Variants in NTRK3 observed in about 807,000 individuals in gnomAD.
The protein encoded by NTRK3 is NT-3 growth factor receptor.
In NTRK3, 24 loss-of-function variants were observed where a neutral mutation model predicts 91.7. That is an observed-to-expected ratio of 0.26 (90% CI 0.19 to 0.37). The LOEUF (loss-of-function observed/expected upper bound fraction) is 0.37, where lower values mean the gene tolerates loss of function less well. Among genes scored for constraint, NTRK3 ranks in the 10% least tolerant of loss-of-function variants. The pLI, the probability that NTRK3 is intolerant of heterozygous loss-of-function variation, is 1.00. For missense variants in NTRK3, 880 were observed against 1,068.9 expected (o/e 0.82, Z 2.46); for synonymous variants, 483 against 404.0 (o/e 1.20, Z -2.34).
intron 13 of NTRK3, among the ~76,000 whole-genome samples, chr15:88,096,038 T>C (rs1009649674): frequency 6.6e-6 from 1 of 152,218 alleles, no homozygotes; most frequent in African/African-American, 2.4e-5. Flanking sequence ...CTATTGTGTG[T>C]AGTATAAATG....
At chr15:88,227,111 C>G (rs1051196202) in intron 3 of NTRK3, among the ~76,000 whole-genome samples, 1 of 152,188 alleles carries the variant, frequency 6.6e-6, no homozygotes, top group Non-Finnish European at 1.5e-5. Context: ...TCCAGGAAAT[C>G]TCAGCTTCAG....
At chr15:88,210,199 G>A (rs2141406777) in intron 3 of NTRK3, 2 of 152,330 alleles carry the variant, frequency 1.3e-5, no homozygotes, top group South Asian at 4.1e-4. Flanking sequence ...CCACACCTAG[G>A]AAGAAATGTT....
intron 13 of NTRK3, among the ~76,000 whole-genome samples, chr15:88,071,972 G>C (rs1000099963): frequency 5.9e-5 from 9 of 151,760 alleles, no homozygotes; most frequent in Admixed American, 2.6e-4. Flanking sequence ...AGGGTTCCAG[G>C]GTTCTCACAG....
intron 13 of NTRK3, among the ~76,000 whole-genome samples, chr15:88,098,264 G>A (rs1340607799): frequency 1.3e-5 from 2 of 152,158 alleles, no homozygotes; most frequent in Non-Finnish European, 2.9e-5. Flanking sequence ...ACGAGCGAGT[G>A]GCCAAGGAAA....
At chr15:87,906,715 G>T (rs1379313538) in intron 17 of NTRK3, among the ~76,000 whole-genome samples, 1 of 152,004 alleles carries the variant, frequency 6.6e-6, no homozygotes, top group Non-Finnish European at 1.5e-5. Context: ...TAAGCAATGC[G>T]ATTGCTTTGA....
chr15:88,176,458 G>A (rs2046008685), intron 5 of NTRK3, among the ~76,000 whole-genome samples: 1 of 152,082 alleles, frequency 6.6e-6, no homozygotes, highest in Non-Finnish European at 1.5e-5. Flanking sequence ...TTTTAAACAG[G>A]GCTGCAATAG....
At chr15:88,118,738 A>G (rs1474323120) in intron 13 of NTRK3, among the ~76,000 whole-genome samples, 11 of 152,262 alleles carry the variant, frequency 7.2e-5, no homozygotes, top group Admixed American at 7.2e-4. Flanking sequence ...CATCCACAGT[A>G]GGGCATAAGG....
chr15:87,993,191 G>T (rs544110228), intron 14 of NTRK3, among the ~76,000 whole-genome samples: 1 of 152,272 alleles, frequency 6.6e-6, no homozygotes, highest in African/African-American at 2.4e-5. Flanking sequence ...TTCCCTTGGA[G>T]TCATGGCCGT....
intron 13 of NTRK3, among the ~76,000 whole-genome samples, chr15:88,055,643 C>T (rs947470326): frequency 6.6e-6 from 1 of 152,084 alleles, no homozygotes; most frequent in African/African-American, 2.4e-5. Context: ...CCCTTTCAAT[C>T]GGTGATGAAA....
chr15:88,101,718 GA>G (rs2050194466), intron 13 of NTRK3, among the ~76,000 whole-genome samples: 1 of 152,164 alleles, frequency 6.6e-6, no homozygotes, highest in Non-Finnish European at 1.5e-5. Context: ...TCCTTTGTAG[GA>G]ACATGGATGA....
chr15:88,210,922 C>T (rs1281176946), intron 3 of NTRK3, among the ~76,000 whole-genome samples: 1 of 152,088 alleles, frequency 6.6e-6, no homozygotes, highest in Non-Finnish European at 1.5e-5. Context: ...TGACCCAGAG[C>T]AGTGAGATGT....
chr15:88,128,713 A>C (rs764443444), exon 11 of NTRK3: 2 of 1,614,116 alleles, frequency 1.2e-6, no homozygotes, highest in South Asian at 2.2e-5. Flanking sequence ...AGACTTACAC[A>C]AGATAAAGTT....
intron 14 of NTRK3, among the ~76,000 whole-genome samples, chr15:87,952,680 G>A (rs1444744758): frequency 6.6e-6 from 1 of 152,160 alleles, no homozygotes; most frequent in Non-Finnish European, 1.5e-5. Context: ...TTTGGACACC[G>A]TTTCCATCAG....
chr15:88,102,989 G>A lies in NTRK3; in HGVS notation c.1396+23282C>T, dbSNP rs538219519. ...ACAGCCTAATAGAAAGTACCTACTG[G>A]GCACAGAATAAGAACTACATGGATG... On this transcript the variant is annotated intron_variant, in intron 13 of 18. Transcript: ENST00000394480. 2.3e-3 allele frequency among the ~76,000 whole-genome samples: 346 copies of A among 152,230 alleles called. 4 individuals carry two copies. Among genetic ancestry groups the A allele is most frequent in the African/African-American group, 6.4e-3 (267 of 41,522 alleles).
At chr15:88,154,099 C>T (rs57025184) in intron 5 of NTRK3, among the ~76,000 whole-genome samples, 2,838 of 126,070 alleles carry the variant, frequency 0.023, 92 homozygotes, top group African/African-American at 0.083. Flanking sequence ...ACCAAGCCCA[C>T]ATAGACTTTG....
At position 88,140,133 on chromosome 15, in the gene NTRK3, G is replaced by A. The variant is rs978447408; in HGVS notation, c.465-2572C>T. ...AGGAAATTTGGAATTCATCCAGGAG[G>A]CAGGGAAAACCATTGAGGCCTCTAG... On this transcript the variant is annotated intron_variant, in intron 6 of 18. Transcript: ENST00000394480. Among the ~76,000 whole-genome samples, 3 of 152,176 alleles carry A rather than the reference G, an allele frequency of 2.0e-5. No individual in the cohort carries two copies. In the South Asian group the frequency reaches 6.2e-4, roughly 32 times the overall value.
intron 17 of NTRK3, among the ~76,000 whole-genome samples, chr15:87,881,033 A>T (rs35804611): frequency 0.45 from 68,879 of 152,118 alleles, 17,714 homozygotes; most frequent in East Asian, 0.61. Flanking sequence ...GTAAGATCTC[A>T]AAGGACAGTA....
chr15:88,175,525 A>T (rs527671471), intron 5 of NTRK3, among the ~76,000 whole-genome samples: 3 of 152,226 alleles, frequency 2.0e-5, no homozygotes, highest in African/African-American at 7.2e-5. Context: ...GAATATTTTC[A>T]TCATGATAAT....
intron 13 of NTRK3, among the ~76,000 whole-genome samples, chr15:88,033,492 G>A (rs901248768): frequency 1.4e-4 from 21 of 151,486 alleles, no homozygotes; most frequent in Non-Finnish European, 2.7e-4. Flanking sequence ...TGTATTTTTC[G>A]TGGAGACAGG....
Sources: allele counts gnomAD v4.1 joint callset (sites outside exome capture counted in the v4.1 genomes callset), GRCh38; gene constraint gnomAD v4.1.1; transcripts MANE v1.5; gene names NCBI Gene and HGNC (gene_info 2026-07-23, HGNC 2026-07-21).